The following MBOAT2 variants were observed in gnomAD, a reference collection of about 807,000 sequenced individuals.
The protein encoded by MBOAT2 is membrane bound glycerophospholipid O-acyltransferase 2.
MBOAT2 carries 28 observed loss-of-function variants against 63.4 expected under a neutral mutation model. The ratio of observed to expected loss-of-function variants is 0.44; its 90% CI spans 0.33 to 0.61. The LOEUF is 0.61. Ranked by LOEUF, MBOAT2 falls within the 20% of genes least tolerant of loss-of-function variation. The pLI, the probability that MBOAT2 is intolerant of heterozygous loss-of-function variation, is 0.03. For missense variants in MBOAT2, 470 were observed against 605.8 expected, an observed-to-expected ratio of 0.78 and a Z score of 2.35; for synonymous variants, 211 against 215.6, an observed-to-expected ratio of 0.98 and a Z score of 0.19.
intron 2 of MBOAT2, among the ~76,000 whole-genome samples, chr2:8,949,742 C>T (rs909513028): frequency 2.6e-5 from 4 of 152,114 alleles, no homozygotes; most frequent in East Asian, 3.9e-4. Context: ...TTACTGCATC[C>T]TTATAGTATA....
chr2:8,937,976 G>A (rs549040581), intron 3 of MBOAT2, among the ~76,000 whole-genome samples: 1 of 152,110 alleles, frequency 6.6e-6, no homozygotes, highest in Non-Finnish European at 1.5e-5. Context: ...TGCCACCACG[G>A]TGCTGAATTT....
intron 3 of MBOAT2, among the ~76,000 whole-genome samples, chr2:8,911,457 T>C (rs780005448): frequency 1.3e-5 from 2 of 152,192 alleles, no homozygotes; most frequent in African/African-American, 4.8e-5. Context: ...CATCAAGAGC[T>C]GAAAGAAAAT....
chr2:8,995,290 G>T (rs998433547), intron 1 of MBOAT2, among the ~76,000 whole-genome samples: 2 of 152,182 alleles, frequency 1.3e-5, no homozygotes, highest in Admixed American at 1.3e-4. Context: ...TAGGCCAAAA[G>T]GGACACTTGG....
chr2:8,985,264 CA>C (rs1671482975), intron 1 of MBOAT2, among the ~76,000 whole-genome samples: 1 of 152,118 alleles, frequency 6.6e-6, no homozygotes, highest in Admixed American at 6.6e-5. Context: ...ACAATGCTTT[CA>C]GGGGAAAAGA....
chr2:8,873,517 T>C (rs567715563), intron 7 of MBOAT2, among the ~76,000 whole-genome samples: 7 of 152,336 alleles, frequency 4.6e-5, no homozygotes, highest in Admixed American at 3.9e-4. Flanking sequence ...CTAGGGGTTA[T>C]TGCTCAACTC....
chr2:8,896,927 T>TTAA (rs1352464564), intron 4 of MBOAT2, among the ~76,000 whole-genome samples: 2 of 152,158 alleles, frequency 1.3e-5, no homozygotes, highest in Non-Finnish European at 2.9e-5. Flanking sequence ...ACCTGCTGGG[T>TTAA]TAAGGATTTT....
chr2:8,906,426 A>C (rs1315851728), intron 4 of MBOAT2, among the ~76,000 whole-genome samples: 2 of 152,068 alleles, frequency 1.3e-5, no homozygotes, highest in African/African-American at 4.8e-5. Flanking sequence ...CACACTCACC[A>C]CCCTGCCCTC....
At chr2:8,985,733 C>T (rs1020344335) in intron 1 of MBOAT2, among the ~76,000 whole-genome samples, 3 of 152,104 alleles carry the variant, frequency 2.0e-5, no homozygotes, top group Non-Finnish European at 4.4e-5. Flanking sequence ...GGCCACTCTG[C>T]ACCACACCCG....
intron 2 of MBOAT2, among the ~76,000 whole-genome samples, chr2:8,957,378 A>G (rs1029587354): frequency 6.6e-6 from 1 of 152,234 alleles, no homozygotes; most frequent in Admixed American, 6.5e-5. Context: ...TTAAGAGGTC[A>G]TATTTAAATC....
chr2:8,858,449 C>T lies in MBOAT2; in HGVS notation c.*230G>A. The T allele has an allele frequency of 2.2e-6, 1 of 460,256 alleles. No homozygotes were observed. Among genetic ancestry groups the T allele is most frequent in the Non-Finnish European group, 3.9e-6 (1 of 259,082 alleles). The allele number at this position is 460,256 out of a possible 1,614,324, so 28.5% of individuals were successfully genotyped here. The stretch of plus-strand genomic sequence containing the variant: ...CGGACAAGTGCTGAGGTTGGGAGTG[C>T]CCACTGAAATATGGAAATATTCTTA... On this transcript the variant is annotated 3_prime_UTR_variant, in exon 13 of 13. Transcript: ENST00000305997.
intron 7 of MBOAT2, among the ~76,000 whole-genome samples, chr2:8,873,856 G>A (rs1287106060): frequency 6.6e-6 from 1 of 152,186 alleles, no homozygotes; most frequent in Non-Finnish European, 1.5e-5. Context: ...AGACCCTGGT[G>A]AAAGGAAGAG....
rs1356212852 is a variant in MBOAT2 at position 8,854,436 on chromosome 2, C to T, written c.*4243G>A. 1 of 152,152 alleles carries T rather than the reference C, an allele frequency of 6.6e-6. No homozygotes were observed. Among genetic ancestry groups the T allele is most frequent in the Admixed American group, 6.6e-5 (1 of 15,262 alleles). The allele number at this position is 152,152 out of a possible 1,614,324, so 9.4% of individuals were successfully genotyped here. A position where few individuals can be genotyped will look rare whatever the true frequency, so the allele number is the denominator to read the frequency against. On this transcript the variant is annotated 3_prime_UTR_variant, in exon 13 of 13. Transcript: ENST00000305997. Reference sequence around the variant, plus strand: ...CACAGTGTTATTTAGGATTCTGCACCTATATTAAATTTCAGCCAGGAAGAA... The same window carrying T: ...CACAGTGTTATTTAGGATTCTGCACTTATATTAAATTTCAGCCAGGAAGAA...
At chr2:8,972,705 G>A (rs567513191) in intron 1 of MBOAT2, among the ~76,000 whole-genome samples, 131 of 152,174 alleles carry the variant, frequency 8.6e-4, no homozygotes, top group Middle Eastern at 3.4e-3. Flanking sequence ...AAAAGTGGGC[G>A]AAGGACATGA....
chr2:8,907,901 G>A (rs1437349640), intron 4 of MBOAT2, among the ~76,000 whole-genome samples: 1 of 151,642 alleles, frequency 6.6e-6, no homozygotes, highest in Non-Finnish European at 1.5e-5. Context: ...TTTTTTCAGA[G>A]GTAACATGAT....
intron 1 of MBOAT2, among the ~76,000 whole-genome samples, chr2:8,963,259 G>A (rs1184621596): frequency 3.3e-5 from 5 of 151,694 alleles, no homozygotes; most frequent in African/African-American, 4.8e-5. Context: ...ATTGAGGCGG[G>A]GGGGCAGGGG....
At chr2:8,981,369 A>G (rs1671179539) in intron 1 of MBOAT2, among the ~76,000 whole-genome samples, 1 of 152,216 alleles carries the variant, frequency 6.6e-6, no homozygotes, top group Non-Finnish European at 1.5e-5. Flanking sequence ...ACTGTGCATT[A>G]TCTTTACATA....
intron 3 of MBOAT2, among the ~76,000 whole-genome samples, chr2:8,918,396 A>AAGATAACTGATCTC (rs904929051): frequency 6.6e-6 from 1 of 152,204 alleles, no homozygotes; most frequent in African/African-American, 2.4e-5. Flanking sequence ...GGTAACATCA[A>AAGATAACTGATCTC]AGATCACTGA....
chr2:8,995,179 C>T (rs917137301), intron 1 of MBOAT2, among the ~76,000 whole-genome samples: 5 of 152,040 alleles, frequency 3.3e-5, no homozygotes, highest in East Asian at 1.9e-4. Context: ...TGCAGTGAGC[C>T]GAGATTGAGC....
In MBOAT2 at chr2:8,982,005, A is replaced by G. The variant is rs563581927; in HGVS notation, c.75+21535T>C. ...TATGAGTAGTGGGCTTACCTAAGCG[A>G]TGCTGGGTACATACCACTCAACTTC... On this transcript the variant is annotated intron_variant, in intron 1 of 12. Coordinates refer to ENST00000305997, the MANE Select transcript of MBOAT2 (RefSeq NM_138799.4). Among the ~76,000 whole-genome samples, 3 of 152,282 alleles carry G rather than the reference A, an allele frequency of 2.0e-5. No homozygotes were observed. In the East Asian group the frequency reaches 5.8e-4, roughly 29 times the overall value.
Sources: allele counts gnomAD v4.1 joint callset (sites outside exome capture counted in the v4.1 genomes callset), GRCh38; gene constraint gnomAD v4.1.1; transcripts MANE v1.5; gene names NCBI Gene and HGNC (gene_info 2026-07-23, HGNC 2026-07-21).